UGGT2: variants seen among roughly 807,000 people sequenced by gnomAD.
UGGT2 encodes the protein UDP-glucose:glycoprotein glucosyltransferase 2.
Under a neutral mutation model 192.1 loss-of-function variants are expected in UGGT2, and 180 were observed. The ratio of observed to expected loss-of-function variants is 0.94; its 90% CI spans 0.83 to 1.06. The LOEUF (loss-of-function observed/expected upper bound fraction) is 1.06, where lower values mean the gene tolerates loss of function less well. UGGT2 is among the 50% of genes least tolerant of loss of function. UGGT2 has a pLI of 0.00. For synonymous variants in UGGT2, 580 were observed against 591.0 expected (o/e 0.98, Z 0.27); for missense variants, 1,849 against 1,795.7 (o/e 1.03, Z -0.54).
intron 12 of UGGT2, among the ~76,000 whole-genome samples, chr13:95,969,463 A>T (rs1338384581): frequency 1.3e-5 from 2 of 152,174 alleles, no homozygotes; most frequent in Non-Finnish European, 2.9e-5. Flanking sequence ...CTGGATTGTT[A>T]AGGAAAGTTT....
At chr13:96,026,892 C>T (rs189009867) in intron 2 of UGGT2, among the ~76,000 whole-genome samples, 13 of 151,964 alleles carry the variant, frequency 8.6e-5, no homozygotes, top group African/African-American at 2.4e-4. Context: ...AGGATGGTCT[C>T]GATCTCCTGA....
intron 20 of UGGT2, among the ~76,000 whole-genome samples, chr13:95,915,591 C>T (rs2048657076): frequency 6.6e-6 from 1 of 152,238 alleles, no homozygotes; most frequent in Non-Finnish European, 1.5e-5. Context: ...CCTGTGGAAG[C>T]TTTAGCCACT....
chr13:95,933,526 T>C (rs1034908242), intron 17 of UGGT2, among the ~76,000 whole-genome samples: 4 of 152,206 alleles, frequency 2.6e-5, no homozygotes, highest in Non-Finnish European at 4.4e-5. Context: ...CACTGATTCA[T>C]TGTATAAATT....
intron 1 of UGGT2, among the ~76,000 whole-genome samples, chr13:96,034,979 C>T (rs2052956713): frequency 6.6e-6 from 1 of 152,234 alleles, no homozygotes; most frequent in Admixed American, 6.5e-5. Context: ...GGCAAAGGTG[C>T]TACCAGCCAT....
In UGGT2 at chr13:95,903,043, A is replaced by G. The variant is rs375858438; in HGVS notation, c.2313T>C (p.Ser771=). The G allele has an allele frequency of 1.7e-4, 270 of 1,610,830 alleles. 1 individual carries two copies. The highest frequency in any genetic ancestry group is 2.2e-4 in the Non-Finnish European group (256 of 1,179,196). Residue 771 remains serine (S), a synonymous_variant, in exon 21 of 39, where the codon AGT becomes AGC. Coordinates refer to ENST00000376747, the MANE Select transcript of UGGT2 (RefSeq NM_020121.4). Reference sequence around the variant, plus strand: ...TAGGATTATAAATAATCCCCAACCGACTATGAACACTTGTTTTCTGCAAAC... The same window carrying G: ...TAGGATTATAAATAATCCCCAACCGGCTATGAACACTTGTTTTCTGCAAAC... ...ALKHMKTSVH[S]RLGIIYNPTS...
intron 25 of UGGT2, 121 bp from the exon 26 acceptor site, chr13:95,888,092 T>C: frequency 1.7e-6 from 1 of 596,704 alleles, no homozygotes; most frequent in Non-Finnish European, 2.7e-6. Flanking sequence ...ACTTGATCCT[T>C]ACAACGCCCT....
intron 32 of UGGT2, among the ~76,000 whole-genome samples, chr13:95,860,365 CTA>C (rs1025903970): frequency 4.8e-5 from 7 of 146,570 alleles, no homozygotes; most frequent in Admixed American, 6.9e-5. Context: ...GTGAGTATAT[CTA>C]TATATATATA....
intron 1 of UGGT2, among the ~76,000 whole-genome samples, chr13:96,032,859 A>C (rs2052879804): frequency 6.6e-6 from 1 of 152,232 alleles, no homozygotes; most frequent in Admixed American, 6.5e-5. Flanking sequence ...AGTCAGAAAG[A>C]CTGATTAATT....
intron 35 of UGGT2, among the ~76,000 whole-genome samples, 195 bp downstream of exon 35, chr13:95,854,120 A>G (rs766448096): frequency 1.3e-5 from 2 of 152,202 alleles, no homozygotes; most frequent in Non-Finnish European, 2.9e-5. Context: ...CAGTATCTCA[A>G]AAGATTGTCA....
At chr13:95,854,524 G>A (rs775565456) in intron 34 of UGGT2, 49 bp from the exon 35 acceptor site, 2 of 1,462,650 alleles carry the variant, frequency 1.4e-6, no homozygotes. Flanking sequence ...AATAACATAA[G>A]CCCTTTTTTA....
intron 26 of UGGT2, among the ~76,000 whole-genome samples, chr13:95,887,549 T>C (rs1028794861): frequency 1.3e-5 from 2 of 152,194 alleles, no homozygotes; most frequent in African/African-American, 4.8e-5. Flanking sequence ...TAAAGATCAT[T>C]TTGGTAATTC....
At chr13:96,008,581 CA>C (rs2139051486) in intron 5 of UGGT2, among the ~76,000 whole-genome samples, 1 of 152,240 alleles carries the variant, frequency 6.6e-6, no homozygotes, top group South Asian at 2.1e-4. Context: ...TTTTATACAG[CA>C]ACAACATCCA....
chr13:95,807,716 C>CCTTTTTTTTTTTTTTTT (rs370239086), intron 38 of UGGT2, among the ~76,000 whole-genome samples: 1 of 78,706 alleles, frequency 1.3e-5, no homozygotes, highest in African/African-American at 5.2e-5. Flanking sequence ...CAGCCCTCAC[C>CCTTTTTTTTTTTTTTTT]TTTTTTTTTT....
chr13:95,835,310 G>A (rs1887165228), intron 37 of UGGT2, among the ~76,000 whole-genome samples: 1 of 152,272 alleles, frequency 6.6e-6, no homozygotes, highest in East Asian at 1.9e-4. Context: ...GCTGGAATGA[G>A]TATGAAGCCA....
At chr13:95,952,325 G>T (rs889680462) in intron 12 of UGGT2, among the ~76,000 whole-genome samples, 18 of 152,074 alleles carry the variant, frequency 1.2e-4, no homozygotes, top group African/African-American at 4.1e-4. Context: ...TTTGGCAAAA[G>T]ATATACCCAC....
intron 38 of UGGT2, among the ~76,000 whole-genome samples, chr13:95,806,390 G>T: frequency 6.6e-6 from 1 of 152,114 alleles, no homozygotes; most frequent in East Asian, 1.9e-4. Flanking sequence ...AATTACTGGA[G>T]ATCCAGTTGG....
chr13:95,947,681 C>A (rs1209315031), intron 14 of UGGT2, among the ~76,000 whole-genome samples: 1 of 112,928 alleles, frequency 8.9e-6, no homozygotes, highest in African/African-American at 3.3e-5. Flanking sequence ...GAACCCCTGA[C>A]CTCGTGATCT....
chr13:95,847,784 G>A (rs1594137829), intron 36 of UGGT2, among the ~76,000 whole-genome samples: 1 of 152,204 alleles, frequency 6.6e-6, no homozygotes, highest in Non-Finnish European at 1.5e-5. Context: ...AGGTTTTTAT[G>A]TAGCCATAAG....
intron 10 of UGGT2, 80 bp downstream of exon 10, chr13:95,983,724 T>C (rs2051200815): frequency 9.2e-7 from 1 of 1,083,166 alleles, no homozygotes; most frequent in East Asian, 2.6e-5. Context: ...ATTTCCTTTT[T>C]TGTATGAATA....
Sources: gnomAD v4.1 joint callset for allele counts (sites outside exome capture counted in the v4.1 genomes callset) on GRCh38, gnomAD v4.1.1 for gene constraint, MANE v1.5 for transcripts, NCBI Gene and HGNC (gene_info 2026-07-23, HGNC 2026-07-21) for gene names.